The following SLC17A3 variants were observed in gnomAD, a reference collection of about 807,000 sequenced individuals.
The protein encoded by SLC17A3 is solute carrier family 17 member 3, also known as sodium-dependent phosphate transport protein 4.
Under a neutral mutation model 60.3 loss-of-function variants are expected in SLC17A3, and 61 were observed. The observed-to-expected ratio is 1.01, with a 90% CI of 0.82 to 1.25. The LOEUF is 1.25. SLC17A3 is among the 50% of genes most tolerant of loss of function. The pLI is 0.00. For missense variants in SLC17A3, 624 were observed against 594.9 expected, an observed-to-expected ratio of 1.05 and a Z score of -0.51; for synonymous variants, 192 against 208.9, an observed-to-expected ratio of 0.92 and a Z score of 0.70.
rs1765239027 is a variant in SLC17A3, at chr6:25,849,755, T to C, written c.1271+50A>G. 2.5e-6 allele frequency: 4 copies of C among 1,596,398 alleles called. No individual in the cohort carries two copies. The South Asian group carries it at 3.3e-5, about 13-fold the overall frequency. ...TTGGGGATCCCAGAAAGCTGAAAGC[T>C]AAATCTTTTAAAGAAAATGTGAAAC... On this transcript the variant is annotated intron_variant, in intron 10 of 12. Coordinates refer to ENST00000397060, the MANE Select transcript of SLC17A3 (RefSeq NM_001098486.2).
chr6:25,856,906 A>T (rs1765366399), intron 5 of SLC17A3, among the ~76,000 whole-genome samples: 1 of 149,378 alleles, frequency 6.7e-6, no homozygotes, highest in South Asian at 2.1e-4. Context: ...AAAGAGAGCT[A>T]GGGGTGGTGG....
rs934419238 is a variant in SLC17A3, at chr6:25,862,593, C to G, written c.92-149G>C. The G allele has an allele frequency of 3.3e-5, 24 of 737,914 alleles. 1 individual carries two copies. The highest frequency in any genetic ancestry group is 5.3e-5 in the Non-Finnish European group (23 of 433,118). The allele number at this position is 737,914 out of a possible 1,614,324, so 45.7% of individuals were successfully genotyped here. On this transcript the variant is annotated intron_variant, in intron 2 of 12. Transcript: ENST00000397060. ...CTGTTGGCTTTATGAAAGGAAGATACAAAAGGAGATCACTGAGTTGAGCTA... is the reference window on the plus strand; with the variant it reads ...CTGTTGGCTTTATGAAAGGAAGATAGAAAAGGAGATCACTGAGTTGAGCTA...
chr6:25,850,410 T>A (rs749987180), intron 8 of SLC17A3, 49 bp downstream of exon 8: 10 of 1,570,696 alleles, frequency 6.4e-6, no homozygotes, highest in Non-Finnish European at 8.8e-6. Context: ...GGCAGAGTAA[T>A]TGGTCAGCCA....
chr6:25,861,795 C>G lies in SLC17A3; in HGVS notation c.537+1G>C. 1 of 1,613,110 alleles carries G rather than the reference C, an allele frequency of 6.2e-7. No homozygotes were observed. Among genetic ancestry groups the G allele is most frequent in the Non-Finnish European group, 8.5e-7 (1 of 1,179,184 alleles). ...ACTCAGATTTATAAAATATTGGGTA[C>G]CTGGCTTAGGCCCTGGACTATTCGA... is the stretch of plus-strand genomic sequence containing the variant. On this transcript the variant is annotated splice_donor_variant, in intron 4 of 12. Transcript: ENST00000397060. LOFTEE classifies it high-confidence loss of function.
intron 11 of SLC17A3, among the ~76,000 whole-genome samples, chr6:25,845,904 A>G (rs900689154): frequency 6.6e-6 from 1 of 152,192 alleles, no homozygotes; most frequent in African/African-American, 2.4e-5. Context: ...CTGATTGTTC[A>G]TCCTTATTGT....
intron 10 of SLC17A3, 46 bp downstream of exon 10, chr6:25,849,759 T>C (rs1765239124): frequency 7.5e-6 from 12 of 1,599,434 alleles, no homozygotes; most frequent in Non-Finnish European, 1.0e-5. Context: ...GAAAGCTAAA[T>C]CTTTTAAAGA....
At chr6:25,870,917 ATGT>A (rs1402257263) in intron 1 of SLC17A3, among the ~76,000 whole-genome samples, 2 of 152,068 alleles carry the variant, frequency 1.3e-5, no homozygotes, top group African/African-American at 4.8e-5. Flanking sequence ...GAAGATCAAA[ATGT>A]TGTCTCTTAA....
intron 1 of SLC17A3, among the ~76,000 whole-genome samples, chr6:25,872,131 T>C (rs983643646): frequency 7.0e-5 from 9 of 128,886 alleles, no homozygotes; most frequent in Non-Finnish European, 1.5e-4. Flanking sequence ...TTTTAAAAGG[T>C]ATTATTTTAA....
intron 1 of SLC17A3, among the ~76,000 whole-genome samples, chr6:25,869,375 T>C (rs993693910): frequency 6.6e-6 from 1 of 151,956 alleles, no homozygotes; most frequent in African/African-American, 2.4e-5. Context: ...AATTAAATCC[T>C]CTTAAACGTC....
chr6:25,864,032 G>A (rs1027190277), intron 2 of SLC17A3, among the ~76,000 whole-genome samples: 1 of 152,064 alleles, frequency 6.6e-6, no homozygotes, highest in Non-Finnish European at 1.5e-5. Flanking sequence ...AATAAAGCAA[G>A]AAAGGAGGAA....
chr6:25,856,885 G>A (rs1765365930), intron 5 of SLC17A3, among the ~76,000 whole-genome samples: 2 of 149,348 alleles, frequency 1.3e-5, no homozygotes, highest in Non-Finnish European at 3.0e-5. Flanking sequence ...CAATATTAAT[G>A]AAAAAGTGAA....
chr6:25,861,771 C>G, intron 4 of SLC17A3, 25 bp downstream of exon 4: 1 of 1,611,318 alleles, frequency 6.2e-7, no homozygotes, highest in Non-Finnish European at 8.5e-7. Flanking sequence ...TCATATCCAA[C>G]TCAGATTTAT....
intron 11 of SLC17A3, among the ~76,000 whole-genome samples, chr6:25,848,161 G>T (rs559708862): frequency 6.6e-6 from 1 of 152,290 alleles, no homozygotes. Context: ...ATGGGCATTT[G>T]GGTTGGTTGC....
At chr6:25,866,990 G>T (rs894560708) in intron 2 of SLC17A3, among the ~76,000 whole-genome samples, 4 of 151,910 alleles carry the variant, frequency 2.6e-5, no homozygotes, top group Non-Finnish European at 4.4e-5. Flanking sequence ...AAACTCAATT[G>T]ATCAACTGAT....
Position 25,861,929 on chromosome 6 carries a change from C to T in SLC17A3, c.404G>A (p.Gly135Glu). 2 of 1,612,768 alleles carry T rather than the reference C, an allele frequency of 1.2e-6. No homozygotes were observed. The highest frequency in any genetic ancestry group is 1.7e-6 in the Non-Finnish European group (2 of 1,179,432). Residue 135 changes from glycine (G) to glutamate (E), a missense_variant, in exon 4 of 13, where the codon GGA becomes GAA. Transcript: ENST00000397060. ...AACCACTCGCTTTGTTCCTACTCTT[C>T]CAGCCAGGTATCCACTGGGAGCCAT... ...LTMAPSGYLA[G>E]RVGTKRVVGI...
At chr6:25,854,741 C>G (rs923293911) in intron 6 of SLC17A3, among the ~76,000 whole-genome samples, 4 of 150,714 alleles carry the variant, frequency 2.7e-5, no homozygotes, top group South Asian at 2.1e-4. Context: ...GAAACTTGAG[C>G]CTTACTCAGG....
intron 5 of SLC17A3, among the ~76,000 whole-genome samples, chr6:25,856,952 G>T (rs986231906): frequency 6.6e-6 from 1 of 151,998 alleles, no homozygotes; most frequent in Admixed American, 6.6e-5. Flanking sequence ...GGGAGGCCGA[G>T]GTGGGAAGAT....
chr6:25,858,356 C>T (rs1009786998), intron 5 of SLC17A3, among the ~76,000 whole-genome samples: 1 of 152,190 alleles, frequency 6.6e-6, no homozygotes, highest in African/African-American at 2.4e-5. Flanking sequence ...ACTCTCAAAA[C>T]ACTGACACGG....
At chr6:25,847,627 A>T (rs1193270955) in intron 11 of SLC17A3, among the ~76,000 whole-genome samples, 1 of 151,828 alleles carries the variant, frequency 6.6e-6, no homozygotes, top group Non-Finnish European at 1.5e-5. Flanking sequence ...AGATGATCTC[A>T]CTGTGGTTTT....
Sources: allele counts gnomAD v4.1 joint callset (sites outside exome capture counted in the v4.1 genomes callset), GRCh38; gene constraint gnomAD v4.1.1; transcripts MANE v1.5; gene names NCBI Gene and HGNC (gene_info 2026-07-23, HGNC 2026-07-21).